The following SIPA1L1 variants were observed in gnomAD, a reference collection of about 807,000 sequenced individuals.
SIPA1L1 encodes the protein signal-induced proliferation-associated 1-like protein 1.
Under a neutral mutation model 162.7 loss-of-function variants are expected in SIPA1L1, and 26 were observed. The observed-to-expected ratio is 0.16, with a 90% confidence interval of 0.12 to 0.22. SIPA1L1 has a LOEUF of 0.22. Among genes scored for constraint, SIPA1L1 ranks in the 10% least tolerant of loss-of-function variants. The pLI, the probability that SIPA1L1 is intolerant of heterozygous loss-of-function variation, is 1.00. For missense variants in SIPA1L1, 1,874 were observed against 2,241.0 expected (o/e 0.84, Z 3.31); for synonymous variants, 829 against 837.4 (o/e 0.99, Z 0.17).
At chr14:71,681,233 C>A (rs1201899395) in intron 12 of SIPA1L1, among the ~76,000 whole-genome samples, 3 of 151,970 alleles carry the variant, frequency 2.0e-5, no homozygotes, top group Non-Finnish European at 2.9e-5. Flanking sequence ...TCTCACCCCC[C>A]TGCTGTCACC....
Position 71,665,479 on chromosome 14 carries a change from T to C in SIPA1L1, c.2255+4012T>C, listed in dbSNP as rs534705477. 4.6e-5 allele frequency among the ~76,000 whole-genome samples: 7 copies of C among 152,298 alleles called. No homozygotes were observed. The East Asian group carries it at 9.6e-4, about 21-fold the overall frequency. ...ATGAGAGCCCTCCAGTCTCTATTGT[T>C]TTATTTGTATCGTTGCAGTGACCTT... On this transcript the variant is annotated intron_variant, in intron 10 of 23. Transcript: ENST00000381232.
intron 1 of SIPA1L1, 51 bp from the exon 2 acceptor site, chr14:71,321,071 G>A (rs1237155553): frequency 6.6e-6 from 1 of 151,822 alleles, no homozygotes; most frequent in African/African-American, 2.4e-5. Context: ...CGCAGAGGAG[G>A]CGGCGAGTGA....
chr14:71,654,209 A>G (rs2042871404), intron 8 of SIPA1L1, among the ~76,000 whole-genome samples: 1 of 152,232 alleles, frequency 6.6e-6, no homozygotes, highest in African/African-American at 2.4e-5. Context: ...GTAGCAAACA[A>G]GCAAGCTACA....
intron 2 of SIPA1L1, among the ~76,000 whole-genome samples, chr14:71,456,176 T>G (rs12896986): frequency 0.16 from 24,761 of 152,204 alleles, 2,639 homozygotes; most frequent in Middle Eastern, 0.35. Context: ...CATCTCAAGT[T>G]GTTGTGTGGT....
chr14:71,426,635 G>A (rs1182214986), intron 2 of SIPA1L1, among the ~76,000 whole-genome samples: 5 of 151,732 alleles, frequency 3.3e-5, no homozygotes, highest in Non-Finnish European at 7.4e-5. Context: ...GATTACATGC[G>A]TGCACCACCA....
chr14:71,725,994 G>A (rs1301055312), intron 19 of SIPA1L1, among the ~76,000 whole-genome samples: 3 of 152,188 alleles, frequency 2.0e-5, no homozygotes, highest in African/African-American at 2.4e-5. Flanking sequence ...GCTGTGTGGG[G>A]CTGCCGCCCT....
At chr14:71,382,203 G>A (rs2039962567) in intron 2 of SIPA1L1, among the ~76,000 whole-genome samples, 1 of 152,150 alleles carries the variant, frequency 6.6e-6, no homozygotes, top group South Asian at 2.1e-4. Flanking sequence ...GTAATTTCTG[G>A]ATTAGGTGCT....
intron 2 of SIPA1L1, among the ~76,000 whole-genome samples, chr14:71,510,289 C>T (rs180702260): frequency 5.4e-4 from 75 of 138,534 alleles, no homozygotes; most frequent in Admixed American, 1.0e-3. Flanking sequence ...CAGGTTCAAA[C>T]AATTCTCCTG....
chr14:71,517,717 G>A (rs1179753310), intron 3 of SIPA1L1, among the ~76,000 whole-genome samples: 1 of 152,146 alleles, frequency 6.6e-6, no homozygotes, highest in Non-Finnish European at 1.5e-5. Flanking sequence ...ATTTAGTCAA[G>A]CTAGTAGTGT....
intron 2 of SIPA1L1, among the ~76,000 whole-genome samples, chr14:71,423,293 T>C (rs1196404968): frequency 1.3e-5 from 2 of 152,192 alleles, no homozygotes; most frequent in Non-Finnish European, 2.9e-5. Context: ...AGTCTGTTGA[T>C]AGTGTCTTTT....
At chr14:71,488,164 G>T (rs962811262) in intron 2 of SIPA1L1, among the ~76,000 whole-genome samples, 3 of 152,124 alleles carry the variant, frequency 2.0e-5, no homozygotes, top group Non-Finnish European at 4.4e-5. Context: ...TGGTGGAGGG[G>T]GCCAGAACTA....
intron 6 of SIPA1L1, among the ~76,000 whole-genome samples, chr14:71,620,864 G>A (rs2039360358): frequency 6.6e-6 from 1 of 152,156 alleles, no homozygotes; most frequent in African/African-American, 2.4e-5. Flanking sequence ...TAAGCCATTT[G>A]AATAAGCTGT....
At chr14:71,602,801 C>T (rs548418798) in intron 5 of SIPA1L1, among the ~76,000 whole-genome samples, 5 of 152,342 alleles carry the variant, frequency 3.3e-5, no homozygotes, top group Non-Finnish European at 7.3e-5. Flanking sequence ...GCATTAAATT[C>T]TCATAGGAGC....
chr14:71,437,557 T>C (rs1378221115), intron 2 of SIPA1L1, among the ~76,000 whole-genome samples: 2 of 152,098 alleles, frequency 1.3e-5, no homozygotes. Context: ...TTTGGTAGTT[T>C]CACCATGTTG....
At chr14:71,517,697 G>A (rs1336859671) in intron 3 of SIPA1L1, among the ~76,000 whole-genome samples, 1 of 152,028 alleles carries the variant, frequency 6.6e-6, no homozygotes, top group Non-Finnish European at 1.5e-5. Flanking sequence ...GACATTGTTT[G>A]ACTTTTTAAA....
Position 71,724,811 on chromosome 14 carries a change from T to C in SIPA1L1, c.4590T>C (p.Thr1530=). The change falls in exon 19 of 24, where the codon ACT becomes ACC. Residue 1530 remains threonine, a synonymous_variant. Transcript: ENST00000381232. ...LKKLIDLESP[T]PESQKSFKFH... is the part of the protein sequence containing the mutation. ...AACTAATTGATCTTGAAAGCCCAAC[T>C]CCTGAATCACAGAAGAGTTTTAAGG... 6.2e-7 allele frequency: 1 copy of C among 1,614,114 alleles called. No individual in the cohort carries two copies. The highest frequency in any genetic ancestry group is 8.5e-7 in the Non-Finnish European group (1 of 1,180,004).
chr14:71,381,539 T>C (rs767674957), intron 2 of SIPA1L1, among the ~76,000 whole-genome samples: 3 of 152,220 alleles, frequency 2.0e-5, no homozygotes, highest in Non-Finnish European at 4.4e-5. Context: ...ACTGAATGTT[T>C]GTATTTGTTG....
intron 3 of SIPA1L1, among the ~76,000 whole-genome samples, chr14:71,519,093 C>T (rs2052034139): frequency 6.6e-6 from 1 of 152,102 alleles, no homozygotes; most frequent in African/African-American, 2.4e-5. Flanking sequence ...GTTGAGATTT[C>T]AGTGGGGACA....
intron 4 of SIPA1L1, among the ~76,000 whole-genome samples, chr14:71,570,407 C>T (rs781720495): frequency 5.9e-5 from 9 of 152,078 alleles, no homozygotes; most frequent in East Asian, 1.9e-4. Context: ...CAGGTAGCTG[C>T]GACCACAGGT....
Sources: gnomAD v4.1 joint callset for allele counts (sites outside exome capture counted in the v4.1 genomes callset) on GRCh38, gnomAD v4.1.1 for gene constraint, MANE v1.5 for transcripts, NCBI Gene and HGNC (gene_info 2026-07-23, HGNC 2026-07-21) for gene names.